PARD3B: variants seen among roughly 807,000 people sequenced by gnomAD.
PARD3B encodes the protein partitioning defective 3 homolog B.
PARD3B carries 103 observed loss-of-function variants against 130.2 expected under a neutral mutation model. The observed-to-expected ratio is 0.79, with a 90% CI of 0.67 to 0.93. The LOEUF is 0.93. Ranked by LOEUF, PARD3B falls within the 40% of genes least tolerant of loss-of-function variation. PARD3B has a pLI of 0.00. For synonymous variants in PARD3B, 583 were observed against 553.2 expected (o/e 1.05, Z -0.76); for missense variants, 1,609 against 1,499.2 (o/e 1.07, Z -1.21).
At chr2:205,126,347 A>AT (rs938222274) in intron 10 of PARD3B, among the ~76,000 whole-genome samples, 9 of 152,088 alleles carry the variant, frequency 5.9e-5, no homozygotes, top group South Asian at 2.1e-4. Flanking sequence ...ATGTACATTG[A>AT]TTTTTTCCCC....
At chr2:204,698,210 A>G (rs2037709706) in intron 2 of PARD3B, among the ~76,000 whole-genome samples, 1 of 152,100 alleles carries the variant, frequency 6.6e-6, no homozygotes, top group Non-Finnish European at 1.5e-5. Context: ...TTACCCTGTT[A>G]GAGAAGCTTA....
chr2:205,586,822 C>G (rs565330390), intron 22 of PARD3B, among the ~76,000 whole-genome samples: 1 of 152,134 alleles, frequency 6.6e-6, no homozygotes, highest in African/African-American at 2.4e-5. Context: ...GTACAAAGGC[C>G]ATTGCAAAAT....
intron 2 of PARD3B, among the ~76,000 whole-genome samples, chr2:204,687,715 T>C (rs2037154831): frequency 6.6e-6 from 1 of 152,196 alleles, no homozygotes; most frequent in African/African-American, 2.4e-5. Context: ...CCTGTTTCAC[T>C]TTCTGCTTCT....
intron 3 of PARD3B, among the ~76,000 whole-genome samples, chr2:205,035,908 G>T: frequency 9.0e-6 from 1 of 110,534 alleles, no homozygotes; most frequent in Admixed American, 9.7e-5. Context: ...ATATATATGA[G>T]ATATATCTCT....
intron 21 of PARD3B, among the ~76,000 whole-genome samples, chr2:205,507,240 A>G (rs1462459228): frequency 1.4e-5 from 1 of 69,162 alleles, no homozygotes; most frequent in Non-Finnish European, 2.8e-5. Flanking sequence ...TTTGAGACAG[A>G]GTCTTGCTCT....
At chr2:204,779,265 G>A (rs762388608) in intron 2 of PARD3B, among the ~76,000 whole-genome samples, 7 of 152,002 alleles carry the variant, frequency 4.6e-5, no homozygotes, top group African/African-American at 9.7e-5. Flanking sequence ...AGCTCCATGC[G>A]AACAGGGATT....
At chr2:204,775,194 G>A (rs542215173) in intron 2 of PARD3B, among the ~76,000 whole-genome samples, 3 of 152,132 alleles carry the variant, frequency 2.0e-5, no homozygotes, top group African/African-American at 4.8e-5. Context: ...GATAAAAAAA[G>A]TGTCGTATAA....
intron 1 of PARD3B, among the ~76,000 whole-genome samples, chr2:204,575,342 A>G (rs1297778465): frequency 6.6e-6 from 1 of 152,222 alleles, no homozygotes; most frequent in Non-Finnish European, 1.5e-5. Context: ...GCTTTTAAAA[A>G]TTTAGACATT....
chr2:205,197,107 T>C (rs1273008211), intron 15 of PARD3B, among the ~76,000 whole-genome samples: 2 of 151,104 alleles, frequency 1.3e-5, no homozygotes, highest in African/African-American at 4.9e-5. Context: ...GCACATTAAT[T>C]ATAATGTTTG....
intron 2 of PARD3B, among the ~76,000 whole-genome samples, chr2:204,914,729 G>A (rs1207188884): frequency 6.6e-6 from 1 of 152,146 alleles, no homozygotes; most frequent in Non-Finnish European, 1.5e-5. Context: ...ACAGAGAGAG[G>A]GAAAGAAAAG....
At chr2:205,502,944 C>T (rs1396707614) in intron 21 of PARD3B, among the ~76,000 whole-genome samples, 1 of 151,990 alleles carries the variant, frequency 6.6e-6, no homozygotes, top group Non-Finnish European at 1.5e-5. Context: ...TCTCTTACTC[C>T]TCCCTAGGGT....
chr2:205,449,767 C>T (rs2048035672), intron 20 of PARD3B, among the ~76,000 whole-genome samples: 1 of 152,148 alleles, frequency 6.6e-6, no homozygotes, highest in Non-Finnish European at 1.5e-5. Flanking sequence ...CATGTATCCA[C>T]TAATTTTGCA....
intron 18 of PARD3B, among the ~76,000 whole-genome samples, chr2:205,350,507 C>T (rs1408644237): frequency 2.0e-5 from 3 of 152,118 alleles, no homozygotes; most frequent in African/African-American, 7.2e-5. Flanking sequence ...CAAATTATAA[C>T]TCTCCCCGCC....
intron 3 of PARD3B, among the ~76,000 whole-genome samples, chr2:205,035,813 ATATATATCTATATATC>A (rs1183102399): frequency 0.21 from 3,384 of 16,384 alleles, 191 homozygotes; most frequent in South Asian, 0.41. Context: ...ATATATATAT[ATATATATCTATATATC>A]TATATATATA....
intron 18 of PARD3B, among the ~76,000 whole-genome samples, chr2:205,330,408 C>A (rs564234476): frequency 6.6e-6 from 1 of 152,266 alleles, no homozygotes; most frequent in South Asian, 2.1e-4. Flanking sequence ...TGGACTCTTG[C>A]TAGCCTTGGC....
intron 21 of PARD3B, among the ~76,000 whole-genome samples, chr2:205,542,309 A>T (rs2052185399): frequency 6.7e-6 from 1 of 149,258 alleles, no homozygotes; most frequent in South Asian, 2.1e-4. Flanking sequence ...TAAGAGGCTG[A>T]GTTTTTTTTC....
At chr2:205,465,133 G>A (rs1030207746) in intron 20 of PARD3B, among the ~76,000 whole-genome samples, 4 of 152,152 alleles carry the variant, frequency 2.6e-5, no homozygotes, top group Non-Finnish European at 2.9e-5. Context: ...TTAATTACAC[G>A]TTTGACCTAA....
At chr2:205,503,464 T>C (rs952506417) in intron 21 of PARD3B, among the ~76,000 whole-genome samples, 1 of 152,148 alleles carries the variant, frequency 6.6e-6, no homozygotes, top group Admixed American at 6.6e-5. Flanking sequence ...AAAGATCTCC[T>C]GATTTATTCG....
chr2:204,695,679 C>T (rs1285232433), intron 2 of PARD3B, among the ~76,000 whole-genome samples: 4 of 151,976 alleles, frequency 2.6e-5, no homozygotes, highest in Admixed American at 6.6e-5. Context: ...ATTCTTTCCT[C>T]GTGTAGCAGC....
Sources: allele counts gnomAD v4.1 joint callset (sites outside exome capture counted in the v4.1 genomes callset), GRCh38; gene constraint gnomAD v4.1.1; transcripts MANE v1.5; gene names NCBI Gene and HGNC (gene_info 2026-07-23, HGNC 2026-07-21).